The following SCP2 variants were observed in gnomAD, a reference collection of about 807,000 sequenced individuals.
SCP2 encodes the protein SCP-2/3-oxoacyl-CoA thiolase.
SCP2 carries 48 observed loss-of-function variants against 71.4 expected under a neutral mutation model. That is an observed-to-expected ratio of 0.67 (90% CI 0.53 to 0.86). The LOEUF (loss-of-function observed/expected upper bound fraction) is 0.86. Among genes scored for constraint, SCP2 ranks in the 40% least tolerant of loss-of-function variants. SCP2 has a pLI of 0.00. For synonymous variants in SCP2, 220 were observed against 218.1 expected, an observed-to-expected ratio of 1.01 and a Z score of -0.08; for missense variants, 560 against 655.6, an observed-to-expected ratio of 0.85 and a Z score of 1.59.
At chr1:53,038,466 A>G (rs974351970) in intron 13 of SCP2, among the ~76,000 whole-genome samples, 1 of 151,986 alleles carries the variant, frequency 6.6e-6, no homozygotes, top group Non-Finnish European at 1.5e-5. Flanking sequence ...GTGCAGTGGC[A>G]TGATCATAGC....
chr1:53,015,438 T>A (rs1661268918), intron 12 of SCP2, among the ~76,000 whole-genome samples: 2 of 152,190 alleles, frequency 1.3e-5, no homozygotes, highest in East Asian at 3.9e-4. Context: ...TAATAAGCCC[T>A]CGTTGATGCT....
At chr1:52,932,605 C>G (rs909389922) in intron 1 of SCP2, among the ~76,000 whole-genome samples, 6 of 152,140 alleles carry the variant, frequency 3.9e-5, no homozygotes, top group Admixed American at 6.5e-5. Flanking sequence ...GGAATATGTT[C>G]TGGATGGGTC....
chr1:52,957,482 A>G (rs540836668), intron 5 of SCP2, among the ~76,000 whole-genome samples: 3 of 152,372 alleles, frequency 2.0e-5, no homozygotes, highest in African/African-American at 4.8e-5. Context: ...AAAAAACAAA[A>G]CAAAACAAAA....
Position 52,950,902 on chromosome 1 carries a change from CTAGTG to C in SCP2, c.331+19_331+23del. 1 of 1,612,426 alleles carries C rather than the reference CTAGTG, an allele frequency of 6.2e-7. No individual in the cohort carries two copies. ...ATTCAGGGTGGTAAGGAGTGCTTGT[CTAGTG>C]TACTTAAATATTGCCCCATTTTAAT... is the stretch of plus-strand genomic sequence containing the variant. On this transcript the variant is annotated intron_variant, in intron 4 of 15. Coordinates refer to ENST00000371514, the MANE Select transcript of SCP2 (RefSeq NM_002979.5).
intron 11 of SCP2, among the ~76,000 whole-genome samples, chr1:53,011,637 T>G (rs1423744065): frequency 6.6e-6 from 1 of 152,226 alleles, no homozygotes; most frequent in Non-Finnish European, 1.5e-5. Context: ...GACTTGCATT[T>G]GGCATCTGAA....
chr1:53,042,558 A>T (rs929813495), intron 14 of SCP2, among the ~76,000 whole-genome samples: 1 of 152,148 alleles, frequency 6.6e-6, no homozygotes, highest in Non-Finnish European at 1.5e-5. Context: ...TGAAACTGAC[A>T]CTTATTGGCA....
intron 3 of SCP2, among the ~76,000 whole-genome samples, chr1:52,948,461 G>A (rs905391631): frequency 5.9e-5 from 9 of 151,764 alleles, no homozygotes; most frequent in African/African-American, 1.5e-4. Flanking sequence ...TGGCTAATAC[G>A]GTGAAACCCT....
At chr1:53,032,828 A>G (rs1307357138) in intron 13 of SCP2, among the ~76,000 whole-genome samples, 2 of 152,216 alleles carry the variant, frequency 1.3e-5, no homozygotes, top group African/African-American at 4.8e-5. Flanking sequence ...TTTCTGCTTA[A>G]TGAGCTAATA....
chr1:52,956,038 T>C (rs2150133478), intron 5 of SCP2, among the ~76,000 whole-genome samples: 1 of 152,128 alleles, frequency 6.6e-6, no homozygotes, highest in South Asian at 2.1e-4. Flanking sequence ...AAAAATTCAC[T>C]CATGCCTGTA....
intron 8 of SCP2, among the ~76,000 whole-genome samples, chr1:52,977,007 C>T (rs1244002432): frequency 6.6e-6 from 1 of 152,156 alleles, no homozygotes; most frequent in Non-Finnish European, 1.5e-5. Context: ...GGACTTCTAC[C>T]TACTTTGGTG....
chr1:52,989,871 A>G (rs12063529), intron 11 of SCP2, among the ~76,000 whole-genome samples: 47,148 of 152,098 alleles, frequency 0.31, 12,052 homozygotes, highest in African/African-American at 0.7. Context: ...AATGGCGTAT[A>G]TAAGGTCAGA....
intron 11 of SCP2, among the ~76,000 whole-genome samples, chr1:53,000,338 A>T (rs1275721419): frequency 2.0e-5 from 3 of 152,130 alleles, no homozygotes; most frequent in African/African-American, 7.2e-5. Flanking sequence ...AATCCATATT[A>T]ATGTCTGTAA....
intron 2 of SCP2, among the ~76,000 whole-genome samples, chr1:52,946,580 A>G (rs906407860): frequency 5.9e-5 from 9 of 152,200 alleles, no homozygotes; most frequent in Non-Finnish European, 1.5e-5. Flanking sequence ...GTTCTTCTCA[A>G]CATAGTCTCA....
At chr1:52,947,241 TAAAAAAA>T (rs34249724) in intron 2 of SCP2, among the ~76,000 whole-genome samples, 6 of 54,422 alleles carry the variant, frequency 1.1e-4, no homozygotes, top group Admixed American at 2.6e-4. Flanking sequence ...ATGTTGTCCT[TAAAAAAA>T]AAAAAAAAAA....
chr1:53,020,978 T>G (rs921888301), intron 12 of SCP2, among the ~76,000 whole-genome samples: 1 of 152,176 alleles, frequency 6.6e-6, no homozygotes, highest in Non-Finnish European at 1.5e-5. Flanking sequence ...TGCAGGACTT[T>G]ATAATCTTCC....
chr1:53,013,755 A>C (rs941448260), intron 11 of SCP2, among the ~76,000 whole-genome samples: 2 of 151,936 alleles, frequency 1.3e-5, no homozygotes, highest in African/African-American at 4.8e-5. Flanking sequence ...TTTCTTGGGG[A>C]AGTTGGGGTT....
At chr1:53,015,622 C>T (rs1281762162) in intron 12 of SCP2, among the ~76,000 whole-genome samples, 3 of 152,220 alleles carry the variant, frequency 2.0e-5, no homozygotes, top group Admixed American at 1.3e-4. Flanking sequence ...AAAGGCTCAG[C>T]TTTCCTTGTT....
chr1:52,989,575 T>A (rs1659289547), intron 11 of SCP2, among the ~76,000 whole-genome samples: 2 of 152,176 alleles, frequency 1.3e-5, no homozygotes, highest in African/African-American at 4.8e-5. Flanking sequence ...CAAAGCCCCT[T>A]CCTTAGAGAA....
At chr1:52,944,000 G>A (rs1296122109) in intron 2 of SCP2, 4 of 233,998 alleles carry the variant, frequency 1.7e-5, no homozygotes, top group Non-Finnish European at 3.6e-5. Context: ...TGGTGCTGGT[G>A]ATAGAGAGGG....
Sources: allele counts gnomAD v4.1 joint callset (sites outside exome capture counted in the v4.1 genomes callset), GRCh38; gene constraint gnomAD v4.1.1; transcripts MANE v1.5; gene names NCBI Gene and HGNC (gene_info 2026-07-23, HGNC 2026-07-21).